RNF11: variants seen among roughly 807,000 people sequenced by gnomAD.
RNF11 encodes the protein ring finger protein 11.
A neutral mutation model predicts 15.8 loss-of-function variants in RNF11; 4 were observed. That is an observed-to-expected ratio of 0.25 (90% CI 0.12 to 0.58). The LOEUF (loss-of-function observed/expected upper bound fraction) is 0.58. RNF11 is among the 20% of genes least tolerant of loss of function. The pLI is 0.91. For synonymous variants in RNF11, 68 were observed against 72.3 expected (o/e 0.94, Z 0.30); for missense variants, 139 against 194.4 (o/e 0.71, Z 1.70).
chr1:51,245,129 GGCTCACTGAA>G (rs1553168591), intron 1 of RNF11, among the ~76,000 whole-genome samples: 2 of 152,092 alleles, frequency 1.3e-5, no homozygotes, highest in Non-Finnish European at 2.9e-5. Flanking sequence ...GCATGGTCAC[GGCTCACTGAA>G]GCCTCAACCT....
chr1:51,242,206 TA>T (rs1321331979), intron 1 of RNF11, among the ~76,000 whole-genome samples: 1 of 152,052 alleles, frequency 6.6e-6, no homozygotes, highest in Non-Finnish European at 1.5e-5. Flanking sequence ...CGCTTACATG[TA>T]AAATATGAAA....
chr1:51,251,324 T>C (rs945252433), intron 1 of RNF11: 3 of 1,511,548 alleles, frequency 2.0e-6, no homozygotes, highest in Non-Finnish European at 2.7e-6. Context: ...CGGCCTTGCC[T>C]CCGCGAGCTC....
intron 1 of RNF11, among the ~76,000 whole-genome samples, chr1:51,238,211 T>C (rs1243408768): frequency 1.3e-5 from 2 of 152,236 alleles, no homozygotes; most frequent in African/African-American, 4.8e-5. Flanking sequence ...TCAGCTTTCA[T>C]GTCTGAAGTC....
intron 1 of RNF11, among the ~76,000 whole-genome samples, chr1:51,239,415 A>C (rs1374135296): frequency 6.6e-6 from 1 of 152,220 alleles, no homozygotes; most frequent in Non-Finnish European, 1.5e-5. Context: ...ATACAAATTC[A>C]GTATCAATCA....
chr1:51,270,580 T>G (rs981603583), intron 2 of RNF11, among the ~76,000 whole-genome samples: 1 of 152,208 alleles, frequency 6.6e-6, no homozygotes, highest in African/African-American at 2.4e-5. Flanking sequence ...AGAAAGTTAG[T>G]GTTAATGAAG....
rs1557684192 is a variant in RNF11 at position 51,272,663 on chromosome 1, A to AT, written c.*1347dup. 1.3e-5 allele frequency: 2 copies of AT among 152,172 alleles called. No individual in the cohort carries two copies. The highest frequency in any genetic ancestry group is 3.8e-4 in the East Asian group (2 of 5,196). 9.4% of individuals were successfully genotyped at this position (152,172 alleles called of 1,614,324 possible). A position where few individuals can be genotyped will look rare whatever the true frequency, so the allele number is the denominator to read the frequency against. The stretch of plus-strand genomic sequence containing the variant: ...TGTTTTATCCATTTAGCATGTGTTT[A>AT]TTTTTTCATATGTACTCAAAGGTGA... On this transcript the variant is annotated 3_prime_UTR_variant, in exon 3 of 3. Transcript: ENST00000242719.
chr1:51,250,565 C>CAAAAT, intron 1 of RNF11: 1 of 578,800 alleles, frequency 1.7e-6, no homozygotes. Flanking sequence ...TTTTTTTACG[C>CAAAAT]TTAATTCGCT....
rs892589569 is a variant in RNF11 at position 51,236,873 on chromosome 1, A to G, written c.117A>G (p.Pro39=). 37 of 1,611,794 alleles carry G rather than the reference A, an allele frequency of 2.3e-5. No individual in the cohort carries two copies. The highest frequency in any genetic ancestry group is 2.9e-5 in the Non-Finnish European group (34 of 1,179,040). The change falls in exon 1 of 3, where the codon CCA becomes CCG. Residue 39 remains proline, a synonymous_variant. Transcript: ENST00000242719. Reference sequence around the variant, plus strand: ...AGCCGGATCAGGAGCCGCCGCCGCCATATCAGGTAGGGGAGGGTGTGTGTT... The same window carrying G: ...AGCCGGATCAGGAGCCGCCGCCGCCGTATCAGGTAGGGGAGGGTGTGTGTT... ...GTEPDQEPPP[P]YQEQVPVPVY...
At chr1:51,250,352 C>T (rs1402316296) in intron 1 of RNF11, among the ~76,000 whole-genome samples, 1 of 152,140 alleles carries the variant, frequency 6.6e-6, no homozygotes, top group East Asian at 1.9e-4. Context: ...ATACATTATG[C>T]TAAGCTGTAG....
chr1:51,268,251 C>CCA (rs1557683192), intron 1 of RNF11, among the ~76,000 whole-genome samples: 2 of 152,110 alleles, frequency 1.3e-5, no homozygotes, highest in Non-Finnish European at 2.9e-5. Context: ...AAGGGTGAGG[C>CCA]CACATTCATC....
chr1:51,260,156 C>T (rs976965377), intron 1 of RNF11, among the ~76,000 whole-genome samples: 3 of 152,100 alleles, frequency 2.0e-5, no homozygotes, highest in Non-Finnish European at 4.4e-5. Flanking sequence ...TAAATTTATA[C>T]CTTTAAACAT....
rs1050595525 is a variant in RNF11 at position 51,272,404 on chromosome 1, A to G, written c.*1082A>G. The G allele has an allele frequency of 2.0e-5, 3 of 152,636 alleles. No individual in the cohort carries two copies. The highest frequency in any genetic ancestry group is 2.0e-4 in the Admixed American group (3 of 15,276). 9.5% of individuals were successfully genotyped at this position (152,636 alleles called of 1,614,324 possible). A position where few individuals can be genotyped will look rare whatever the true frequency, so the allele number is the denominator to read the frequency against. The stretch of plus-strand genomic sequence containing the variant: ...CTCAGTCTCTGTTTCTTGGAAAGGT[A>G]TCTATTACATCCTGCTAGCTGACTG... On this transcript the variant is annotated 3_prime_UTR_variant, in exon 3 of 3. Transcript: ENST00000242719.
rs1557675166 is a variant in RNF11, at chr1:51,236,771, CA to C, written c.18del (p.Lys6AsnfsTer53). MGNCL[K>X]SPTSDDISLL... ...AGCTCCGGAAGATGGGGAACTGCCT[CA>C]AATCCCCCACCTCGGATGACATCTC... is the stretch of plus-strand genomic sequence containing the variant. On this transcript the variant is annotated frameshift_variant, in exon 1 of 3. Coordinates refer to ENST00000242719, the MANE Select transcript of RNF11 (RefSeq NM_014372.5). LOFTEE classifies it high-confidence loss of function. The C allele has an allele frequency of 6.2e-7, 1 of 1,613,560 alleles. No individual in the cohort carries two copies.
At chr1:51,265,532 G>A (rs541293603) in intron 1 of RNF11, among the ~76,000 whole-genome samples, 35 of 152,254 alleles carry the variant, frequency 2.3e-4, no homozygotes, top group South Asian at 2.1e-4. Context: ...GCAGACATAT[G>A]GAGAACTAAA....
At position 51,237,356 on chromosome 1, in the gene RNF11, C is replaced by T. The variant is rs142603077; in HGVS notation, c.123+477C>T. Among the ~76,000 whole-genome samples, 464 of 151,256 alleles carry T rather than the reference C, an allele frequency of 3.1e-3. 3 individuals carry two copies. Among genetic ancestry groups the T allele is most frequent in the Non-Finnish European group, 4.9e-3 (330 of 67,870 alleles). On this transcript the variant is annotated intron_variant, in intron 1 of 2. Coordinates refer to ENST00000242719, the MANE Select transcript of RNF11 (RefSeq NM_014372.5). ...TAATTGGATCTGGCAGGTTTTCCCT[C>T]TGCTTGGGAGACGGATCTCCAAGTG... is the stretch of plus-strand genomic sequence containing the variant.
chr1:51,265,771 G>A (rs1018777337), intron 1 of RNF11, among the ~76,000 whole-genome samples: 2 of 152,080 alleles, frequency 1.3e-5, no homozygotes, highest in Admixed American at 1.3e-4. Flanking sequence ...AGTGACTAGT[G>A]GTGTCATTAG....
At chr1:51,250,854 A>G (rs1383091448) in intron 1 of RNF11, 15 of 1,179,766 alleles carry the variant, frequency 1.3e-5, no homozygotes, top group Non-Finnish European at 1.6e-5. Context: ...CTTCTTGGGC[A>G]CAGGTGCGGA....
At chr1:51,239,979 G>A (rs1383056297) in intron 1 of RNF11, among the ~76,000 whole-genome samples, 2 of 152,170 alleles carry the variant, frequency 1.3e-5, no homozygotes, top group African/African-American at 4.8e-5. Context: ...TGTAGGAAGT[G>A]TATATTTCTT....
At chr1:51,250,856 A>C (rs1387807667) in intron 1 of RNF11, 1 of 1,150,648 alleles carries the variant, frequency 8.7e-7, no homozygotes, top group East Asian at 2.4e-5. Flanking sequence ...TCTTGGGCAC[A>C]GGTGCGGAGA....
Sources: allele counts gnomAD v4.1 joint callset (sites outside exome capture counted in the v4.1 genomes callset), GRCh38; gene constraint gnomAD v4.1.1; transcripts MANE v1.5; gene names NCBI Gene and HGNC (gene_info 2026-07-23, HGNC 2026-07-21).